EEFSEC: variants seen among roughly 807,000 people sequenced by gnomAD.
EEFSEC encodes the protein selenocysteine-specific elongation factor.
A neutral mutation model predicts 42.1 loss-of-function variants in EEFSEC; 43 were observed. The ratio of observed to expected loss-of-function variants is 1.02; its 90% CI spans 0.80 to 1.32. EEFSEC has a LOEUF of 1.32. Ranked by LOEUF, EEFSEC falls within the 40% of genes most tolerant of loss-of-function variation. The pLI is 0.00. For synonymous variants in EEFSEC, 354 were observed against 339.1 expected, an observed-to-expected ratio of 1.04 and a Z score of -0.48; for missense variants, 745 against 803.6, an observed-to-expected ratio of 0.93 and a Z score of 0.88.
rs182720848 is a variant in EEFSEC, at chr3:128,392,560, G to A, written c.1601-15509G>A. On this transcript the variant is annotated intron_variant, in intron 6 of 6. Transcript: ENST00000254730. ...CATGGGCCGAGGCACGCGGCATCTC[G>A]CTTAGGGCCTAGCTGTCATGGGCAC... Among the ~76,000 whole-genome samples, 33 of 152,342 alleles carry A rather than the reference G, an allele frequency of 2.2e-4. 2 individuals are homozygous for A. Among genetic ancestry groups the A allele is most frequent in the Admixed American group, 2.0e-3 (30 of 15,308 alleles).
At chr3:128,250,700 G>A (rs962401184) in intron 2 of EEFSEC, among the ~76,000 whole-genome samples, 1 of 152,054 alleles carries the variant, frequency 6.6e-6, no homozygotes, top group East Asian at 1.9e-4. Context: ...TCTTTTTCAA[G>A]ATTGTTTTGG....
chr3:128,310,498 C>T (rs543953683), intron 4 of EEFSEC, among the ~76,000 whole-genome samples: 3 of 152,296 alleles, frequency 2.0e-5, no homozygotes, highest in Admixed American at 2.0e-4. Flanking sequence ...GCGCCTATCC[C>T]CTGGTCTCCC....
chr3:128,325,784 A>G (rs183052863), intron 4 of EEFSEC, among the ~76,000 whole-genome samples: 6 of 152,360 alleles, frequency 3.9e-5, no homozygotes, highest in African/African-American at 1.4e-4. Flanking sequence ...GTTCAGTATT[A>G]CAGAGAAAAC....
In EEFSEC at chr3:128,317,885, T is replaced by C. The variant is rs527603184; in HGVS notation, c.787-23348T>C. On this transcript the variant is annotated intron_variant, in intron 4 of 6. Transcript: ENST00000254730. This position sits in a 1 kb window ranked among gnomAD's most constrained non-coding sequence, Gnocchi z 4.1. Reference sequence around the variant, plus strand: ...GGTTTCCTCCCAGTTCCCTGCCAGGTGGTAACCATGGTTCCTTTCTCAGGG... The same window carrying C: ...GGTTTCCTCCCAGTTCCCTGCCAGGCGGTAACCATGGTTCCTTTCTCAGGG... Among the ~76,000 whole-genome samples, 155 of 152,324 alleles carry C rather than the reference T, an allele frequency of 1.0e-3. 2 individuals carry two copies. Among genetic ancestry groups the C allele is most frequent in the Non-Finnish European group, 3.8e-4 (26 of 68,028 alleles).
intron 4 of EEFSEC, among the ~76,000 whole-genome samples, chr3:128,310,809 G>A (rs934212161): frequency 6.6e-6 from 1 of 152,214 alleles, no homozygotes; most frequent in Non-Finnish European, 1.5e-5. Flanking sequence ...AGGCTCTGGA[G>A]GTCAGGCCCC....
chr3:128,389,737 G>A (rs1247789290), intron 6 of EEFSEC, among the ~76,000 whole-genome samples: 1 of 152,274 alleles, frequency 6.6e-6, no homozygotes, highest in Non-Finnish European at 1.5e-5. Context: ...GGGAAAGGGA[G>A]GCCTTGGCTT....
chr3:128,275,334 G>A (rs771976374), intron 4 of EEFSEC, among the ~76,000 whole-genome samples: 1 of 152,234 alleles, frequency 6.6e-6, no homozygotes, highest in Non-Finnish European at 1.5e-5. Context: ...ATCTTTGACT[G>A]TCTGAAGACC....
At chr3:128,178,763 G>A (rs532580118) in intron 1 of EEFSEC, among the ~76,000 whole-genome samples, 1 of 152,106 alleles carries the variant, frequency 6.6e-6, no homozygotes, top group Non-Finnish European at 1.5e-5. Flanking sequence ...CTTTACCACA[G>A]ACCAGAAATT....
intron 1 of EEFSEC, among the ~76,000 whole-genome samples, chr3:128,173,227 A>G (rs1441145791): frequency 6.6e-6 from 1 of 152,258 alleles, no homozygotes; most frequent in Non-Finnish European, 1.5e-5. Context: ...GTTTCTAAAA[A>G]AATGCTGGAA....
chr3:128,277,971 A>T (rs1018879159), intron 4 of EEFSEC, among the ~76,000 whole-genome samples: 1 of 152,194 alleles, frequency 6.6e-6, no homozygotes, highest in African/African-American at 2.4e-5. Flanking sequence ...AAAACCTAAA[A>T]GGAAGGCATT....
intron 4 of EEFSEC, among the ~76,000 whole-genome samples, chr3:128,265,536 C>T (rs76751899): frequency 5.6e-4 from 85 of 152,302 alleles, no homozygotes; most frequent in Non-Finnish European, 9.1e-4. Context: ...AGGTAGGGAA[C>T]ACATGCTACT....
intron 6 of EEFSEC, among the ~76,000 whole-genome samples, chr3:128,366,648 CTT>C (rs1057165329): frequency 2.0e-5 from 3 of 152,210 alleles, no homozygotes; most frequent in African/African-American, 7.2e-5. Flanking sequence ...AGCACTGACT[CTT>C]GTGTGTGGAA....
chr3:128,283,200 C>T (rs765675195), intron 4 of EEFSEC, among the ~76,000 whole-genome samples: 43 of 152,174 alleles, frequency 2.8e-4, no homozygotes, highest in Non-Finnish European at 5.1e-4. Context: ...GGTTAAGGCT[C>T]GTCCTCTTTC....
At chr3:128,326,568 A>T (rs1382303370) in intron 4 of EEFSEC, among the ~76,000 whole-genome samples, 1 of 152,124 alleles carries the variant, frequency 6.6e-6, no homozygotes, top group African/African-American at 2.4e-5. Flanking sequence ...CAGCAGTGTG[A>T]CAGACCCAGC....
intron 1 of EEFSEC, among the ~76,000 whole-genome samples, chr3:128,240,603 A>C (rs2066059498): frequency 6.6e-6 from 1 of 152,204 alleles, no homozygotes; most frequent in Admixed American, 6.5e-5. Flanking sequence ...TAGGAATTTG[A>C]GAGGGAAAGT....
At position 128,400,812 on chromosome 3, in the gene EEFSEC, G is replaced by A. The variant is rs373728725; in HGVS notation, c.1601-7257G>A. 4.6e-5 allele frequency among the ~76,000 whole-genome samples: 7 copies of A among 152,312 alleles called. No individual in the cohort carries two copies. In the East Asian group the frequency reaches 5.8e-4, roughly 13 times the overall value. On this transcript the variant is annotated intron_variant, in intron 6 of 6. Coordinates refer to ENST00000254730, the MANE Select transcript of EEFSEC (RefSeq NM_021937.5). ...GGCTTGGGAAACAGTTGTGCTTCCC[G>A]CATTCTTCCCTGATTACCCCAGCCC...
chr3:128,367,556 G>A (rs1448835740), intron 6 of EEFSEC: 1 of 868,332 alleles, frequency 1.2e-6, no homozygotes, highest in South Asian at 5.3e-5. Flanking sequence ...TCCTGTGCCT[G>A]TAAGCAAGAG....
At chr3:128,372,151 A>G (rs2067661344) in intron 6 of EEFSEC, among the ~76,000 whole-genome samples, 1 of 152,242 alleles carries the variant, frequency 6.6e-6, no homozygotes, top group Admixed American at 6.5e-5. Flanking sequence ...TGAACTGATA[A>G]AACAATTAAC....
chr3:128,415,455 G>A, the EEFSEC span, among the ~76,000 whole-genome samples: 2 of 102,138 alleles, frequency 2.0e-5, no homozygotes, highest in Admixed American at 1.0e-4. Flanking sequence ...GGCATGAGAT[G>A]AGGCAACCCG....
Sources: allele counts gnomAD v4.1 joint callset (sites outside exome capture counted in the v4.1 genomes callset), GRCh38; gene constraint gnomAD v4.1.1; non-coding constraint Gnocchi (gnomAD v3.1); transcripts MANE v1.5; gene names NCBI Gene and HGNC (gene_info 2026-07-23, HGNC 2026-07-21).